The following ZNF521 variants were observed in gnomAD, a reference collection of about 807,000 sequenced individuals.
ZNF521 encodes the protein zinc finger protein 521.
ZNF521 carries 14 observed loss-of-function variants against 105.5 expected under a neutral mutation model. That is an observed-to-expected ratio of 0.13 (90% confidence interval 0.09 to 0.21). ZNF521 has a LOEUF of 0.21. ZNF521 is among the 10% of genes least tolerant of loss of function. The pLI, the probability that ZNF521 is intolerant of heterozygous loss-of-function variation, is 1.00. For synonymous variants in ZNF521, 635 were observed against 606.0 expected, an observed-to-expected ratio of 1.05 and a Z score of -0.70; for missense variants, 1,233 against 1,629.7, an observed-to-expected ratio of 0.76 and a Z score of 4.19.
rs141950302 is a variant in ZNF521, at chr18:25,307,354, T to C, written c.220+14654A>G. 6.8e-3 allele frequency among the ~76,000 whole-genome samples: 1,042 copies of C among 152,284 alleles called. 15 individuals carry two copies. The highest frequency in any genetic ancestry group is 0.023 in the African/African-American group (975 of 41,560). Reference sequence around the variant, plus strand: ...ATTGAACATTCTTAAACCTCTAAACTCAAAACTCAAATGGAATCTGACTTG... The same window carrying C: ...ATTGAACATTCTTAAACCTCTAAACCCAAAACTCAAATGGAATCTGACTTG... On this transcript the variant is annotated intron_variant, in intron 3 of 7. Transcript: ENST00000361524.
At chr18:25,351,901 A>AGCG (rs905003939) in intron 1 of ZNF521, 104 bp downstream of exon 1, 2 of 280,618 alleles carry the variant, frequency 7.1e-6, no homozygotes, top group South Asian at 3.1e-5. Context: ...CAGCGGCGGC[A>AGCG]GCGGCGGCGG....
intron 5 of ZNF521, among the ~76,000 whole-genome samples, chr18:25,158,565 C>T (rs944057975): frequency 1.3e-5 from 2 of 151,864 alleles, no homozygotes; most frequent in African/African-American, 4.8e-5. Context: ...TCCATGAAAC[C>T]ACGAAAGCAT....
At chr18:25,143,222 T>C (rs903313483) in intron 5 of ZNF521, among the ~76,000 whole-genome samples, 3 of 152,184 alleles carry the variant, frequency 2.0e-5, no homozygotes, top group African/African-American at 4.8e-5. Context: ...GCTAGTTTTA[T>C]AGCAAATATC....
intron 5 of ZNF521, among the ~76,000 whole-genome samples, chr18:25,129,513 C>T (rs1386891160): frequency 6.6e-6 from 1 of 151,830 alleles, no homozygotes; most frequent in African/African-American, 2.4e-5. Flanking sequence ...AACTTCTGCT[C>T]TGCAAAAGAC....
chr18:25,324,359 G>T (rs1408788055), intron 2 of ZNF521, among the ~76,000 whole-genome samples: 3 of 149,636 alleles, frequency 2.0e-5, no homozygotes, highest in Non-Finnish European at 3.0e-5. Flanking sequence ...CCACATTTGG[G>T]TTTGCTTCTC....
intron 7 of ZNF521, among the ~76,000 whole-genome samples, chr18:25,066,360 G>A (rs1346940723): frequency 6.6e-6 from 1 of 152,182 alleles, no homozygotes; most frequent in African/African-American, 2.4e-5. Flanking sequence ...TCCGGGGGAT[G>A]TGTCTGTTCT....
chr18:25,308,648 ATCCC>A (rs143498149), intron 3 of ZNF521, among the ~76,000 whole-genome samples: 13,228 of 116,410 alleles, frequency 0.11, 1,777 homozygotes, highest in East Asian at 0.34. Flanking sequence ...CCTTAATGAC[ATCCC>A]CCCCCCCCCA....
intron 2 of ZNF521, among the ~76,000 whole-genome samples, chr18:25,349,648 G>A (rs1914623833): frequency 6.6e-6 from 1 of 151,856 alleles, no homozygotes; most frequent in Admixed American, 6.6e-5. Context: ...TTTTCCCCGG[G>A]CCGGCGGCGA....
intron 7 of ZNF521, among the ~76,000 whole-genome samples, chr18:25,068,242 G>A (rs371411917): frequency 6.6e-6 from 1 of 152,168 alleles, no homozygotes; most frequent in East Asian, 1.9e-4. Flanking sequence ...TTCAACAGAT[G>A]GTGACAGCAC....
intron 3 of ZNF521, among the ~76,000 whole-genome samples, chr18:25,290,427 G>C (rs1050604150): frequency 1.3e-5 from 2 of 152,078 alleles, no homozygotes; most frequent in Admixed American, 6.6e-5. Context: ...ACTAACACCT[G>C]TGAAATACGC....
intron 7 of ZNF521, among the ~76,000 whole-genome samples, chr18:25,079,680 G>A (rs1157866604): frequency 6.6e-6 from 1 of 151,252 alleles, no homozygotes; most frequent in Admixed American, 6.6e-5. Flanking sequence ...TGGGGGGGAC[G>A]CAGGGTGCTC....
At chr18:25,350,460 G>C (rs947203520) in intron 2 of ZNF521, among the ~76,000 whole-genome samples, 1 of 152,164 alleles carries the variant, frequency 6.6e-6, no homozygotes, top group East Asian at 1.9e-4. Context: ...CCACCTCCGA[G>C]ATGACTTTTT....
intron 3 of ZNF521, among the ~76,000 whole-genome samples, chr18:25,247,060 A>C (rs1316640757): frequency 6.6e-6 from 1 of 152,236 alleles, no homozygotes; most frequent in East Asian, 1.9e-4. Context: ...CTTCTGATGC[A>C]GTCATCAATT....
At chr18:25,118,852 T>C (rs941781472) in intron 5 of ZNF521, among the ~76,000 whole-genome samples, 2 of 151,946 alleles carry the variant, frequency 1.3e-5, no homozygotes, top group African/African-American at 4.8e-5. Context: ...TGAATAAAAA[T>C]GGAAGCTCCA....
chr18:25,255,999 A>ATATATATATGATATATATATGG (rs1908466776), intron 3 of ZNF521, among the ~76,000 whole-genome samples: 4 of 145,720 alleles, frequency 2.7e-5, no homozygotes, highest in Admixed American at 6.8e-5. Context: ...TATATATGGT[A>ATATATATATGATATATATATGG]TATATATATG....
At chr18:25,350,307 C>T (rs1413943142) in intron 2 of ZNF521, among the ~76,000 whole-genome samples, 1 of 151,658 alleles carries the variant, frequency 6.6e-6, no homozygotes, top group Non-Finnish European at 1.5e-5. Flanking sequence ...CTCTGAGGCC[C>T]GAGCCGGGGT....
chr18:25,316,999 C>T (rs988598978), intron 3 of ZNF521, among the ~76,000 whole-genome samples: 1 of 152,042 alleles, frequency 6.6e-6, no homozygotes, highest in African/African-American at 2.4e-5. Context: ...TGACTACAGG[C>T]GTGCGCCACT....
intron 7 of ZNF521, among the ~76,000 whole-genome samples, chr18:25,086,194 T>C (rs1279563903): frequency 6.6e-6 from 1 of 152,178 alleles, no homozygotes; most frequent in African/African-American, 2.4e-5. Context: ...ATAGATCCTA[T>C]TTTCTATTGT....
In ZNF521 at chr18:25,226,732, G is replaced by C. The variant is rs1196697883; in HGVS notation, c.1186C>G (p.Pro396Ala). The change falls in exon 4 of 8, where the codon CCC (proline) becomes GCC (alanine). Residue 396 changes from proline (P) to alanine (A), a missense_variant. Around this residue, in one of 6 missense-constraint regions of ZNF521, gnomAD observed 380 missense variants for 478.0 expected, o/e 0.80. Transcript: ENST00000361524. The surrounding 1 kb of genome is among the most constrained non-coding windows in gnomAD (Gnocchi z 4.1). ...GTAACTTTTGCTTGTTTACTCGAGG[G>C]ACCAGTCATGTCAGGGGTTTGTTGA... ...AAQQTPDMTG[P>A]SSKQAKVTYS... The C allele has an allele frequency of 6.2e-7, 1 of 1,613,980 alleles. No individual in the cohort carries two copies. Among genetic ancestry groups the C allele is most frequent in the African/African-American group, 1.3e-5 (1 of 74,882 alleles).
Sources: allele counts gnomAD v4.1 joint callset (sites outside exome capture counted in the v4.1 genomes callset), GRCh38; gene constraint gnomAD v4.1.1; regional missense constraint gnomAD v4.1.1; non-coding constraint Gnocchi (gnomAD v3.1); transcripts MANE v1.5; gene names NCBI Gene and HGNC (gene_info 2026-07-23, HGNC 2026-07-21).